Variants in TUBD1 observed in about 807,000 individuals in gnomAD.
The protein encoded by TUBD1 is tubulin delta chain.
Under a neutral mutation model 51.2 loss-of-function variants are expected in TUBD1, and 38 were observed. The observed-to-expected ratio is 0.74, with a 90% confidence interval of 0.57 to 0.97. The LOEUF (loss-of-function observed/expected upper bound fraction) is 0.97, where lower values mean the gene tolerates loss of function less well. Among genes scored for constraint, TUBD1 ranks in the 50% least tolerant of loss-of-function variants. The pLI, the probability that TUBD1 is intolerant of heterozygous loss-of-function variation, is 0.00. For missense variants in TUBD1, 489 were observed against 538.4 expected (o/e 0.91, Z 0.91); for synonymous variants, 169 against 178.2 (o/e 0.95, Z 0.41).
At position 59,890,966 on chromosome 17, in the gene TUBD1, TG is replaced by T; in HGVS notation, c.36del (p.Asn13IlefsTer24). On this transcript the variant is annotated frameshift_variant, in exon 2 of 9. Coordinates refer to ENST00000325752, the MANE Select transcript of TUBD1 (RefSeq NM_016261.4). LOFTEE classifies it high-confidence loss of function. ...SIVTVQLGQC[G>X]NQIGFEVFDA... ...TCAAAAACTTCAAAACCAATCTGATTGCCACACTGACCAAGTTGCACTGTTA... is the reference window on the plus strand; with the variant it reads ...TCAAAAACTTCAAAACCAATCTGATTCCACACTGACCAAGTTGCACTGTTA... 4 of 1,613,782 alleles carry T rather than the reference TG, an allele frequency of 2.5e-6. No individual in the cohort carries two copies. The highest frequency in any genetic ancestry group is 3.4e-6 in the Non-Finnish European group (4 of 1,179,972).
intron 8 of TUBD1, among the ~76,000 whole-genome samples, chr17:59,861,357 C>A (rs1282097493): frequency 6.6e-6 from 1 of 151,822 alleles, no homozygotes; most frequent in Non-Finnish European, 1.5e-5. Context: ...TACCACCACA[C>A]CTGGCTAATT....
intron 6 of TUBD1, among the ~76,000 whole-genome samples, chr17:59,868,650 A>G (rs755567862): frequency 2.5e-4 from 38 of 152,152 alleles, no homozygotes; most frequent in Non-Finnish European, 4.3e-4. Flanking sequence ...CATACTGGCC[A>G]ACATGGTGAA....
intron 6 of TUBD1, among the ~76,000 whole-genome samples, chr17:59,867,373 GA>G (rs1192376897): frequency 2.0e-5 from 3 of 152,036 alleles, no homozygotes. Flanking sequence ...TACTCCACTA[GA>G]CTTTGTTGGG....
chr17:59,890,930 T>C lies in TUBD1; in HGVS notation c.73A>G (p.Ser25Gly), dbSNP rs1598587040. The change falls in exon 2 of 9, where the codon AGT becomes GGT. Residue 25 changes from serine to glycine, a missense_variant. Physicochemically the swap from Ser to Gly is moderately conservative, Grantham distance 56. Transcript: ENST00000325752. ...AGTCCCTGGGAACTGTGTGAGTCAC[T>C]AAGCAAAGCATCAAAAACTTCAAAA... is the stretch of plus-strand genomic sequence containing the variant. ...IGFEVFDALL[S>G]DSHSSQGLCS... The C allele has an allele frequency of 3.7e-6, 6 of 1,613,962 alleles. No individual in the cohort carries two copies. Among genetic ancestry groups the C allele is most frequent in the Non-Finnish European group, 5.1e-6 (6 of 1,179,976 alleles).
In TUBD1 at chr17:59,891,130, A is replaced by G. The variant is rs2040985404; in HGVS notation, c.-39-89T>C. 14 of 730,120 alleles carry G rather than the reference A, an allele frequency of 1.9e-5. No individual in the cohort carries two copies. The South Asian group carries it at 2.7e-4, about 14-fold the overall frequency. The allele number at this position is 730,120 out of a possible 1,614,324, so 45.2% of individuals were successfully genotyped here. A position where few individuals can be genotyped will look rare whatever the true frequency, so the allele number is the denominator to read the frequency against. The stretch of plus-strand genomic sequence containing the variant: ...ATGTATGTTAATTATACATCAATAA[A>G]AAGTCTTTTTTCCCCCCTGAGACGG... On this transcript the variant is annotated intron_variant, in intron 1 of 8. Coordinates refer to ENST00000325752, the MANE Select transcript of TUBD1 (RefSeq NM_016261.4).
chr17:59,861,954 C>CCG (rs2039470051), intron 8 of TUBD1, among the ~76,000 whole-genome samples: 1 of 151,568 alleles, frequency 6.6e-6, no homozygotes, highest in Non-Finnish European at 1.5e-5. Context: ...GTGTGAGCCA[C>CCG]TGCACCCAGC....
intron 6 of TUBD1, among the ~76,000 whole-genome samples, chr17:59,872,527 A>C (rs1407303862): frequency 6.6e-6 from 1 of 152,202 alleles, no homozygotes; most frequent in Non-Finnish European, 1.5e-5. Flanking sequence ...AATATAATCT[A>C]TGTACACAAG....
At chr17:59,890,802 TAAAGG>T in intron 2 of TUBD1, 24 bp downstream of exon 2, 1 of 1,576,320 alleles carries the variant, frequency 6.3e-7, no homozygotes, top group Non-Finnish European at 8.6e-7. Context: ...TAGATCAGAG[TAAAGG>T]AGAGGACTGT....
rs2039485724 is a variant in TUBD1, at chr17:59,862,245, C to T, written c.1259+1419G>A. The stretch of plus-strand genomic sequence containing the variant: ...GGCTGAGGCAGGAGAACTGCTTGAA[C>T]CCAGGAGGCAGAGGTTGCAGTGAGC... On this transcript the variant is annotated intron_variant, in intron 8 of 8. Coordinates refer to ENST00000325752, the MANE Select transcript of TUBD1 (RefSeq NM_016261.4). 2.6e-5 allele frequency among the ~76,000 whole-genome samples: 4 copies of T among 150,974 alleles called. No individual in the cohort carries two copies. The South Asian group carries it at 8.4e-4, about 32-fold the overall frequency.
At chr17:59,889,990 GAGAC>G (rs2040922936) in intron 2 of TUBD1, among the ~76,000 whole-genome samples, 1 of 147,534 alleles carries the variant, frequency 6.8e-6, no homozygotes, top group Non-Finnish European at 1.5e-5. Flanking sequence ...AAAAAAAAGA[GAGAC>G]AGAGAAAAGA....
intron 1 of TUBD1, among the ~76,000 whole-genome samples, chr17:59,891,287 C>T (rs567686363): frequency 5.7e-4 from 87 of 152,050 alleles, no homozygotes; most frequent in Non-Finnish European, 1.1e-3. Context: ...CGTGCCACCA[C>T]GCCTGGCTAA....
In TUBD1 at chr17:59,878,266, A is replaced by G. The variant is rs946784822; in HGVS notation, c.606T>C (p.Leu202=). The change falls in exon 5 of 9, where the codon CTT becomes CTC. Residue 202 remains leucine, a synonymous_variant. Transcript: ENST00000325752. ...SHLYRSSDAL[L]LHENDAIHKI... ...TATGGATGGCATCATTCTCATGAAG[A>G]AGGAGGGCGTCTGAAGATCGGTACA... is the stretch of plus-strand genomic sequence containing the variant. 5.0e-6 allele frequency: 8 copies of G among 1,614,086 alleles called. No individual in the cohort carries two copies. Among genetic ancestry groups the G allele is most frequent in the African/African-American group, 2.7e-5 (2 of 75,012 alleles).
intron 2 of TUBD1, among the ~76,000 whole-genome samples, chr17:59,889,198 G>A (rs1049882457): frequency 5.1e-5 from 7 of 138,112 alleles, no homozygotes; most frequent in East Asian, 2.3e-4. Flanking sequence ...ATTTTTAGTC[G>A]AGACGGGGTT....
intron 4 of TUBD1, chr17:59,878,633 C>A: frequency 3.8e-6 from 1 of 264,348 alleles, no homozygotes; most frequent in African/African-American, 2.2e-5. Context: ...GCTTGTGCCA[C>A]CATGCCCAGC....
At position 59,892,346 on chromosome 17, in the gene TUBD1, A is replaced by C. The variant is rs573600802; in HGVS notation, c.-40+351T>G. Among the ~76,000 whole-genome samples, 3 of 152,364 alleles carry C rather than the reference A, an allele frequency of 2.0e-5. No homozygotes were observed. In the South Asian group the frequency reaches 6.2e-4, roughly 32 times the overall value. ...CACCTGAGCCCAGGGATTCCAGACC[A>C]GCCTGGGCAACACAGCGAGACCCTG... On this transcript the variant is annotated intron_variant, in intron 1 of 8. Transcript: ENST00000325752.
At chr17:59,871,960 AT>A (rs57529317) in intron 6 of TUBD1, among the ~76,000 whole-genome samples, 20 of 140,136 alleles carry the variant, frequency 1.4e-4, no homozygotes, top group South Asian at 2.2e-4. Flanking sequence ...TATGCCCAGC[AT>A]TTTTTTTTTT....
At chr17:59,865,077 C>T (rs747367568) in intron 7 of TUBD1, among the ~76,000 whole-genome samples, 20 of 151,516 alleles carry the variant, frequency 1.3e-4, no homozygotes, top group Non-Finnish European at 2.2e-4. Context: ...AGGCTGGTTT[C>T]GAACTCCTAG....
intron 8 of TUBD1, among the ~76,000 whole-genome samples, chr17:59,861,507 C>A (rs1176609730): frequency 2.0e-5 from 3 of 151,858 alleles, no homozygotes; most frequent in Admixed American, 6.6e-5. Flanking sequence ...CTGCTCCCTG[C>A]AAATGTTCTG....
At chr17:59,860,590 T>A (rs903455201) in intron 8 of TUBD1, among the ~76,000 whole-genome samples, 166 bp from the exon 9 acceptor site, 1 of 151,916 alleles carries the variant, frequency 6.6e-6, no homozygotes, top group Non-Finnish European at 1.5e-5. Context: ...TTAGTGAACT[T>A]TCTTTTTTTT....
Sources: gnomAD v4.1 joint callset for allele counts (sites outside exome capture counted in the v4.1 genomes callset) on GRCh38, gnomAD v4.1.1 for gene constraint, MANE v1.5 for transcripts, NCBI Gene and HGNC (gene_info 2026-07-23, HGNC 2026-07-21) for gene names.